Variants in REPS2 observed in about 807,000 individuals in gnomAD.
REPS2 encodes ralBP1-associated Eps domain-containing protein 2.
REPS2 carries 23 observed loss-of-function variants against 53.6 expected under a neutral mutation model. That is an observed-to-expected ratio of 0.43 (90% CI 0.31 to 0.61). The LOEUF is 0.61. REPS2 is among the 20% of genes least tolerant of loss of function. The pLI is 0.11. For synonymous variants in REPS2, 238 were observed against 218.6 expected (o/e 1.09, Z -0.78); for missense variants, 446 against 534.9 (o/e 0.83, Z 1.64).
chrX:17,189,539 G>A, the REPS2 span, among the ~76,000 whole-genome samples: 1 of 110,953 alleles, frequency 9.0e-6, no homozygotes, highest in Non-Finnish European at 1.9e-5. Flanking sequence ...CACCCGCCTG[G>A]GCCTCCCAAA....
At chrX:17,056,893 G>C (rs939648592) in intron 8 of REPS2, among the ~76,000 whole-genome samples, 2 of 112,040 alleles carry the variant, frequency 1.8e-5, no homozygotes, top group Non-Finnish European at 1.9e-5. Context: ...TCAAATTATT[G>C]TTTTGGACCC....
chrX:17,002,638 A>G (rs2061321295), intron 1 of REPS2, among the ~76,000 whole-genome samples: 1 of 112,190 alleles, frequency 8.9e-6, no homozygotes, highest in South Asian at 3.7e-4. Context: ...ATTTGTAAGC[A>G]TGTACTTCAG....
intron 14 of REPS2, among the ~76,000 whole-genome samples, chrX:17,118,769 T>G (rs576573009): frequency 8.9e-6 from 1 of 112,384 alleles, no homozygotes; most frequent in African/African-American, 3.2e-5. Flanking sequence ...CAAATGCTTA[T>G]TTTTAAAGTG....
At chrX:17,001,595 T>C (rs1429525721) in intron 1 of REPS2, among the ~76,000 whole-genome samples, 1 of 112,310 alleles carries the variant, frequency 8.9e-6, no homozygotes, top group Non-Finnish European at 1.9e-5. Flanking sequence ...ATTGACTAAA[T>C]CCTGGATGAG....
At chrX:16,983,787 G>A (rs909900816) in intron 1 of REPS2, among the ~76,000 whole-genome samples, 4 of 112,917 alleles carry the variant, frequency 3.5e-5, no homozygotes, top group Non-Finnish European at 7.5e-5. Flanking sequence ...TTACAGGCAT[G>A]AGCCACCATG....
chrX:16,986,689 A>G (rs1477556573), intron 1 of REPS2, among the ~76,000 whole-genome samples: 1 of 111,427 alleles, frequency 9.0e-6, no homozygotes, highest in African/African-American at 3.3e-5. Context: ...AGTGAATGGT[A>G]AAGAGAAGAA....
intron 4 of REPS2, among the ~76,000 whole-genome samples, chrX:17,026,227 A>G (rs1463807610): frequency 8.9e-6 from 1 of 111,758 alleles, no homozygotes; most frequent in African/African-American, 3.3e-5. Flanking sequence ...ATGGAGTAAC[A>G]GTATCCTAGA....
At chrX:17,019,479 T>C (rs748349397) in intron 2 of REPS2, among the ~76,000 whole-genome samples, 2 of 111,759 alleles carry the variant, frequency 1.8e-5, no homozygotes, top group South Asian at 7.5e-4. Context: ...AGGTACTTTA[T>C]TGATTAATTT....
At chrX:16,994,154 T>A (rs191302726) in intron 1 of REPS2, among the ~76,000 whole-genome samples, 2 of 112,910 alleles carry the variant, frequency 1.8e-5, no homozygotes, top group Non-Finnish European at 3.7e-5. Flanking sequence ...TCTTGCTGTT[T>A]CACAGCACTC....
chrX:17,119,590 T>C (rs1041034791), intron 14 of REPS2, among the ~76,000 whole-genome samples: 9 of 112,025 alleles, frequency 8.0e-5, no homozygotes, highest in African/African-American at 2.9e-4. Context: ...GTAGTTCCTT[T>C]ATCCTGCGTC....
chrX:17,004,814 C>G (rs1434752762), intron 1 of REPS2, among the ~76,000 whole-genome samples: 1 of 111,386 alleles, frequency 9.0e-6, no homozygotes, highest in Non-Finnish European at 1.9e-5. Flanking sequence ...GATTAACACT[C>G]ACTGAAAATA....
At chrX:16,972,668 T>C (rs912409613) in intron 1 of REPS2, among the ~76,000 whole-genome samples, 2 of 111,794 alleles carry the variant, frequency 1.8e-5, no homozygotes, top group Admixed American at 1.9e-4. Flanking sequence ...TCTCTTGTGC[T>C]TGTAGATTTA....
chrX:17,070,447 T>C (rs1200254318), intron 11 of REPS2, among the ~76,000 whole-genome samples: 3 of 112,139 alleles, frequency 2.7e-5, no homozygotes, highest in Non-Finnish European at 5.6e-5. Flanking sequence ...TATATGTGCT[T>C]ATATATGGAG....
At chrX:17,193,847 G>C in the REPS2 span, among the ~76,000 whole-genome samples, 1 of 111,484 alleles carries the variant, frequency 9.0e-6, no homozygotes, top group African/African-American at 3.3e-5. Context: ...GTTCGTCAAT[G>C]ACCCTCTAAG....
the REPS2 span, among the ~76,000 whole-genome samples, chrX:17,160,717 G>C: frequency 8.9e-6 from 1 of 112,283 alleles, no homozygotes; most frequent in Admixed American, 9.4e-5. Context: ...AGTCCAGAGG[G>C]TGAAGCTGAG....
chrX:17,066,907 T>C (rs1227732557), intron 9 of REPS2, among the ~76,000 whole-genome samples: 1 of 111,912 alleles, frequency 8.9e-6, no homozygotes, highest in Non-Finnish European at 1.9e-5. Context: ...GACTGTTAAA[T>C]CTTAGACCAG....
Position 17,113,445 on chromosome X carries a change from A to G in REPS2, c.1578+9666A>G, listed in dbSNP as rs982215099. On this transcript the variant is annotated intron_variant, in intron 14 of 17. Coordinates refer to ENST00000357277, the MANE Select transcript of REPS2 (RefSeq NM_004726.3). ...GTGGAATGCTTGTTTTGTGTAATGT[A>G]TTTTTCCTTTGTTAACTTTGGCAGT... 1.5e-4 allele frequency among the ~76,000 whole-genome samples: 16 copies of G among 109,802 alleles called. No individual in the cohort carries two copies. The East Asian group carries it at 2.6e-3, about 18-fold the overall frequency.
At chrX:17,049,396 T>C (rs1300171260) in intron 6 of REPS2, among the ~76,000 whole-genome samples, 3 of 111,909 alleles carry the variant, frequency 2.7e-5, no homozygotes, top group Non-Finnish European at 5.6e-5. Context: ...GACAGTGTTA[T>C]TGATGGTCCT....
At chrX:16,965,391 A>C (rs1413279088) in intron 1 of REPS2, among the ~76,000 whole-genome samples, 1 of 94,985 alleles carries the variant, frequency 1.1e-5, no homozygotes, top group Non-Finnish European at 2.1e-5. Context: ...CTCCCGGACG[A>C]GGTGGCTGCC....
Sources: allele counts gnomAD v4.1 joint callset (sites outside exome capture counted in the v4.1 genomes callset), GRCh38; gene constraint gnomAD v4.1.1; transcripts MANE v1.5; gene names NCBI Gene and HGNC (gene_info 2026-07-23, HGNC 2026-07-21).